Variants in LRRC37A3 observed in about 807,000 individuals in gnomAD.
LRRC37A3 encodes the protein leucine-rich repeat-containing protein 37A3.
LRRC37A3 carries 25 observed loss-of-function variants against 106.2 expected under a neutral mutation model. The ratio of observed to expected loss-of-function variants is 0.24; its 90% CI spans 0.17 to 0.33. The LOEUF (loss-of-function observed/expected upper bound fraction) is 0.33. LRRC37A3 is among the 10% of genes least tolerant of loss of function. The probability of loss-of-function intolerance (pLI) is 1.00; values close to 1 mark genes in which losing one functional copy is unlikely to be tolerated. For synonymous variants in LRRC37A3, 305 were observed against 635.8 expected (o/e 0.48, Z 7.83); for missense variants, 712 against 1,644.9 (o/e 0.43, Z 9.81).
intron 8 of LRRC37A3, among the ~76,000 whole-genome samples, chr17:64,870,350 T>G (rs1398619487): frequency 6.6e-6 from 1 of 152,122 alleles, no homozygotes; most frequent in Non-Finnish European, 1.5e-5. Context: ...GTCAATAAAA[T>G]GAATAAATTG....
At chr17:64,865,354 G>A (rs1275354525) in intron 10 of LRRC37A3, among the ~76,000 whole-genome samples, 4 of 152,294 alleles carry the variant, frequency 2.6e-5, no homozygotes, top group Non-Finnish European at 4.4e-5. Context: ...ATGTTGTCCA[G>A]GCTGGTCTCG....
intron 8 of LRRC37A3, among the ~76,000 whole-genome samples, chr17:64,876,359 T>G (rs1479913636): frequency 6.6e-6 from 1 of 151,934 alleles, no homozygotes; most frequent in African/African-American, 2.4e-5. Flanking sequence ...ACTTTTAAAT[T>G]TTTTTTGTAG....
intron 8 of LRRC37A3, among the ~76,000 whole-genome samples, chr17:64,883,197 T>C (rs1973761460): frequency 1.3e-5 from 2 of 152,222 alleles, no homozygotes. Flanking sequence ...CTTTCCCCAA[T>C]GCAAAACCTC....
At chr17:64,890,605 G>A (rs1973925385) in intron 5 of LRRC37A3, among the ~76,000 whole-genome samples, 1 of 114,552 alleles carries the variant, frequency 8.7e-6, no homozygotes, top group South Asian at 2.9e-4. Context: ...GCCAAGGTGG[G>A]TGAATCACCC....
rs1244315207 is a variant in LRRC37A3, at chr17:64,854,643, C to A, written c.4861G>T (p.Asp1621Tyr). The A allele has an allele frequency of 1.2e-6, 2 of 1,613,422 alleles. No individual in the cohort carries two copies. Among genetic ancestry groups the A allele is most frequent in the African/African-American group, 1.3e-5 (1 of 74,894 alleles). Reference protein sequence around the residue: ...LQEDEEGFSRDSEAPTEEESE... With the variant: ...LQEDEEGFSRYSEAPTEEESE... Reference sequence around the variant, plus strand: ...TCCTCCTCCGTTGGGGCTTCGCTGTCCCTGGGATAAGAATAACAATGCCAA... The same window carrying A: ...TCCTCCTCCGTTGGGGCTTCGCTGTACCTGGGATAAGAATAACAATGCCAA... Residue 1621 changes from aspartate (D) to tyrosine (Y), a missense_variant and splice_region_variant, in exon 15 of 15, where the codon GAC becomes TAC. Physicochemically the swap from Asp to Tyr is radical, Grantham distance 160. Coordinates refer to ENST00000584306, the MANE Select transcript of LRRC37A3 (RefSeq NM_199340.5).
chr17:64,861,389 C>T (rs919625699), intron 11 of LRRC37A3, among the ~76,000 whole-genome samples: 6 of 152,178 alleles, frequency 3.9e-5, no homozygotes, highest in East Asian at 1.9e-4. Flanking sequence ...ACCTCGTCCT[C>T]GGTGCACCTG....
chr17:64,914,275 G>A (rs182299583), intron 2 of LRRC37A3, among the ~76,000 whole-genome samples: 1 of 151,978 alleles, frequency 6.6e-6, no homozygotes, highest in Admixed American at 6.6e-5. Context: ...AGTGCACAAA[G>A]GGGCTGGGCG....
Position 64,868,280 on chromosome 17 carries a change from T to C in LRRC37A3, c.3053+182A>G, listed in dbSNP as rs576900009. ...TTTTTGAGGCATCAGAAATGCTTTA[T>C]ATTGGGAATGTGGTGGTGGTTATGT... is the stretch of plus-strand genomic sequence containing the variant. On this transcript the variant is annotated intron_variant, in intron 10 of 14. Transcript: ENST00000584306. Among the ~76,000 whole-genome samples, 3 of 152,248 alleles carry C rather than the reference T, an allele frequency of 2.0e-5. No homozygotes were observed. In the East Asian group the frequency reaches 5.8e-4, roughly 29 times the overall value.
intron 8 of LRRC37A3, among the ~76,000 whole-genome samples, chr17:64,880,696 T>C (rs1022090200): frequency 9.9e-5 from 15 of 152,236 alleles, no homozygotes; most frequent in African/African-American, 3.6e-4. Context: ...TATTTTTATA[T>C]AAGCCTTTTG....
At chr17:64,869,880 T>C (rs1031718721) in intron 8 of LRRC37A3, among the ~76,000 whole-genome samples, 6 of 150,152 alleles carry the variant, frequency 4.0e-5, no homozygotes, top group Admixed American at 4.0e-4. Flanking sequence ...AAATTTATGG[T>C]TTAATTTGCA....
At chr17:64,874,054 A>G (rs1226724204) in intron 8 of LRRC37A3, among the ~76,000 whole-genome samples, 1 of 152,218 alleles carries the variant, frequency 6.6e-6, no homozygotes, top group Non-Finnish European at 1.5e-5. Flanking sequence ...AAAGCAACTC[A>G]TCACATACAA....
intron 8 of LRRC37A3, among the ~76,000 whole-genome samples, chr17:64,877,457 C>T (rs1973551465): frequency 6.6e-6 from 1 of 152,196 alleles, no homozygotes; most frequent in Admixed American, 6.5e-5. Context: ...CTGCCTCAGC[C>T]TCCCAAAGTG....
At chr17:64,861,031 G>T in intron 11 of LRRC37A3, 58 bp from the exon 12 acceptor site, 1 of 1,610,160 alleles carries the variant, frequency 6.2e-7, no homozygotes, top group Non-Finnish European at 8.5e-7. Flanking sequence ...GGATGCATCA[G>T]TCCATAGCTG....
chr17:64,866,626 A>ATTTT (rs1174212397), intron 10 of LRRC37A3, among the ~76,000 whole-genome samples: 4 of 22,514 alleles, frequency 1.8e-4, no homozygotes, highest in South Asian at 2.1e-3. Flanking sequence ...ATATATATAT[A>ATTTT]TATTTTTTTT....
chr17:64,876,068 C>T (rs189542203), intron 8 of LRRC37A3, among the ~76,000 whole-genome samples: 250 of 152,304 alleles, frequency 1.6e-3, no homozygotes, highest in African/African-American at 5.8e-3. Flanking sequence ...TAGGGTCTCA[C>T]TATGTTGCCC....
chr17:64,875,874 G>A (rs978948074), intron 8 of LRRC37A3, among the ~76,000 whole-genome samples: 2 of 152,070 alleles, frequency 1.3e-5, no homozygotes, highest in African/African-American at 4.8e-5. Flanking sequence ...ATATAAAGAT[G>A]TAATGTGTGA....
At chr17:64,913,499 C>T (rs1974636459) in intron 2 of LRRC37A3, among the ~76,000 whole-genome samples, 1 of 152,010 alleles carries the variant, frequency 6.6e-6, no homozygotes, top group Non-Finnish European at 1.5e-5. Context: ...TGCCACCACA[C>T]TAGGCTATTT....
Position 64,859,855 on chromosome 17 carries a change from C to T in LRRC37A3, c.4291G>A (p.Ala1431Thr). The change falls in exon 12 of 15, where the codon GCA becomes ACA. Residue 1431 changes from alanine (A) to threonine (T), a missense_variant. Coordinates refer to ENST00000584306, the MANE Select transcript of LRRC37A3 (RefSeq NM_199340.5). ...TTAACAGTTGGCCCTAAGTTGAATG[C>T]AGTCCCAGCGGAATCTGCCTCAGGA... ...HPPEADSAGT[A>T]FNLGPTVKQT... 2 of 1,612,588 alleles carry T rather than the reference C, an allele frequency of 1.2e-6. No homozygotes were observed. The highest frequency in any genetic ancestry group is 1.7e-6 in the Non-Finnish European group (2 of 1,179,792).
Position 64,880,230 on chromosome 17 carries a change from A to C in LRRC37A3, c.2906+5856T>G, listed in dbSNP as rs1185805432. Among the ~76,000 whole-genome samples, 4 of 152,008 alleles carry C rather than the reference A, an allele frequency of 2.6e-5. No individual in the cohort carries two copies. The East Asian group carries it at 7.7e-4, about 29-fold the overall frequency. ...TGAGTGGGAACTGGCTCAACGGCTC[A>C]AGTTTGAGGACTCTACAGCAACTCT... On this transcript the variant is annotated intron_variant, in intron 8 of 14. Coordinates refer to ENST00000584306, the MANE Select transcript of LRRC37A3 (RefSeq NM_199340.5).
Sources: gnomAD v4.1 joint callset for allele counts (sites outside exome capture counted in the v4.1 genomes callset) on GRCh38, gnomAD v4.1.1 for gene constraint, MANE v1.5 for transcripts, NCBI Gene and HGNC (gene_info 2026-07-23, HGNC 2026-07-21) for gene names.